Variants in PCDH7 observed in about 807,000 individuals in gnomAD.
PCDH7 encodes protocadherin 7.
Under a neutral mutation model 58.9 loss-of-function variants are expected in PCDH7, and 17 were observed. The observed-to-expected ratio is 0.29, with a 90% CI of 0.20 to 0.43. The LOEUF (loss-of-function observed/expected upper bound fraction) is 0.43. Among genes scored for constraint, PCDH7 ranks in the 20% least tolerant of loss-of-function variants. The pLI is 1.00. For synonymous variants in PCDH7, 664 were observed against 616.4 expected (o/e 1.08, Z -1.14); for missense variants, 1,274 against 1,441.0 (o/e 0.88, Z 1.88).
At chr4:30,949,300 G>T (rs1326138456) in intron 2 of PCDH7, among the ~76,000 whole-genome samples, 1 of 152,084 alleles carries the variant, frequency 6.6e-6, no homozygotes, top group Non-Finnish European at 1.5e-5. Context: ...AACATACAAA[G>T]TTAAATATTT....
At position 31,037,021 on chromosome 4, in the gene PCDH7, C is replaced by A. The variant is rs373380216; in HGVS notation, c.*7+86806C>A. On this transcript the variant is annotated intron_variant, in intron 3 of 3. Transcript: ENST00000509759. ...CCCCTGATTCAATTACCTCCCACCG[C>A]GTCCCTCCCATAGCACATGGGAATT... Among the ~76,000 whole-genome samples the A allele has an allele frequency of 1.1e-4, 17 of 152,190 alleles. No individual in the cohort carries two copies. The East Asian group carries it at 2.1e-3, about 19-fold the overall frequency.
intron 3 of PCDH7, among the ~76,000 whole-genome samples, chr4:30,998,113 A>G (rs1004518818): frequency 3.9e-5 from 6 of 152,182 alleles, no homozygotes; most frequent in Non-Finnish European, 8.8e-5. Flanking sequence ...TAGTTTTATA[A>G]AACTTATATT....
intron 3 of PCDH7, among the ~76,000 whole-genome samples, chr4:31,021,083 A>G (rs535696780): frequency 1.3e-5 from 2 of 152,362 alleles, no homozygotes; most frequent in South Asian, 2.1e-4. Flanking sequence ...TGTTTCATAC[A>G]TGTTTAATCA....
intron 3 of PCDH7, among the ~76,000 whole-genome samples, chr4:31,004,428 G>C (rs1752602341): frequency 2.0e-5 from 3 of 152,004 alleles, no homozygotes; most frequent in Admixed American, 2.0e-4. Flanking sequence ...AATAACATAA[G>C]GCCGGGCGTG....
intron 1 of PCDH7, chr4:30,793,983 G>C (rs1012050714): frequency 6.6e-6 from 1 of 152,306 alleles, no homozygotes; most frequent in East Asian, 1.9e-4. Context: ...CTGAGGAAAA[G>C]AAATATGCAC....
chr4:31,035,356 C>A (rs187940101), intron 3 of PCDH7, among the ~76,000 whole-genome samples: 3 of 147,516 alleles, frequency 2.0e-5, no homozygotes, highest in South Asian at 4.2e-4. Flanking sequence ...CGGGTTCAAG[C>A]GATTCTCGTG....
intron 3 of PCDH7, among the ~76,000 whole-genome samples, chr4:31,126,244 T>C (rs1024258015): frequency 6.6e-6 from 1 of 151,624 alleles, no homozygotes; most frequent in African/African-American, 2.4e-5. Flanking sequence ...ATGCCCCTGC[T>C]GCCTGGGTTC....
intron 3 of PCDH7, among the ~76,000 whole-genome samples, chr4:31,124,710 T>C (rs1368696402): frequency 6.6e-6 from 1 of 152,216 alleles, no homozygotes; most frequent in East Asian, 1.9e-4. Flanking sequence ...GTCAAGTTGG[T>C]GAAGCACAGC....
intron 3 of PCDH7, among the ~76,000 whole-genome samples, chr4:31,041,514 G>A (rs1417534515): frequency 6.6e-6 from 1 of 152,056 alleles, no homozygotes; most frequent in Non-Finnish European, 1.5e-5. Context: ...CTAAGTGCTG[G>A]AAGTCATGCA....
chr4:31,045,062 T>C (rs928242192), intron 3 of PCDH7, among the ~76,000 whole-genome samples: 2 of 152,074 alleles, frequency 1.3e-5, no homozygotes, highest in African/African-American at 4.8e-5. Context: ...TTTTAGGAAG[T>C]AAGCCAGCAT....
chr4:30,952,040 A>G (rs1034054962), intron 3 of PCDH7, among the ~76,000 whole-genome samples: 4 of 152,022 alleles, frequency 2.6e-5, no homozygotes, highest in African/African-American at 4.8e-5. Context: ...ACTTCTCTCT[A>G]TTCTGTTTTT....
intron 3 of PCDH7, among the ~76,000 whole-genome samples, chr4:30,996,888 T>G (rs1751945299): frequency 6.6e-6 from 1 of 152,224 alleles, no homozygotes; most frequent in African/African-American, 2.4e-5. Flanking sequence ...TATTATACTC[T>G]GCATTGCAAT....
intron 3 of PCDH7, among the ~76,000 whole-genome samples, chr4:30,984,685 G>T (rs1340560567): frequency 1.4e-5 from 2 of 147,226 alleles, no homozygotes; most frequent in East Asian, 4.0e-4. Context: ...CACCTCTAAA[G>T]GTGGCCAGTT....
intron 1 of PCDH7, among the ~76,000 whole-genome samples, chr4:30,784,258 C>T (rs1482744179): frequency 6.6e-6 from 1 of 152,152 alleles, no homozygotes; most frequent in Non-Finnish European, 1.5e-5. Flanking sequence ...TGTATAAACT[C>T]AATAAGTGAT....
chr4:30,853,715 G>A (rs1578053575), intron 1 of PCDH7, among the ~76,000 whole-genome samples: 1 of 152,056 alleles, frequency 6.6e-6, no homozygotes, highest in African/African-American at 2.4e-5. Flanking sequence ...GAAGTCAAGT[G>A]TAAATGATGA....
At position 31,079,188 on chromosome 4, in the gene PCDH7, A is replaced by G. The variant is rs541645460; in HGVS notation, c.*8-63285A>G. Reference sequence around the variant, plus strand: ...AAGACACTAAAAGTGAAAATTACAAAGAATATATATTTATTAAATTTGACC... The same window carrying G: ...AAGACACTAAAAGTGAAAATTACAAGGAATATATATTTATTAAATTTGACC... On this transcript the variant is annotated intron_variant, in intron 3 of 3. Coordinates refer to the PCDH7 transcript ENST00000509759. Among the ~76,000 whole-genome samples the G allele has an allele frequency of 2.6e-5, 4 of 151,024 alleles. No homozygotes were observed. In the South Asian group the frequency reaches 6.3e-4, roughly 24 times the overall value.
chr4:31,034,393 A>G (rs1755211831), intron 3 of PCDH7, among the ~76,000 whole-genome samples: 1 of 152,224 alleles, frequency 6.6e-6, no homozygotes, highest in Non-Finnish European at 1.5e-5. Flanking sequence ...AATATACTTT[A>G]ACAATAATTA....
At chr4:30,817,635 A>C (rs1198095338) in intron 1 of PCDH7, among the ~76,000 whole-genome samples, 2 of 152,126 alleles carry the variant, frequency 1.3e-5, no homozygotes, top group Admixed American at 6.6e-5. Flanking sequence ...AACCTCTGGG[A>C]AAATTGACCT....
intron 3 of PCDH7, among the ~76,000 whole-genome samples, chr4:30,957,081 G>C (rs375651825): frequency 6.6e-6 from 1 of 152,030 alleles, no homozygotes; most frequent in Non-Finnish European, 1.5e-5. Context: ...CAGCAGCTGC[G>C]TAATATGAGC....
Sources: gnomAD v4.1 joint callset for allele counts (sites outside exome capture counted in the v4.1 genomes callset) on GRCh38, gnomAD v4.1.1 for gene constraint, MANE v1.5 for transcripts, NCBI Gene and HGNC (gene_info 2026-07-23, HGNC 2026-07-21) for gene names.